Variants in RGPD4 observed in about 807,000 individuals in gnomAD.
RGPD4 encodes ranBP2-like and GRIP domain-containing protein 4.
RGPD4 carries 84 observed loss-of-function variants against 141.1 expected under a neutral mutation model. That is an observed-to-expected ratio of 0.60 (90% CI 0.50 to 0.71). The LOEUF is 0.71. Among genes scored for constraint, RGPD4 ranks in the 30% least tolerant of loss-of-function variants. The pLI, the probability that RGPD4 is intolerant of heterozygous loss-of-function variation, is 0.00. For missense variants in RGPD4, 918 were observed against 1,622.4 expected (o/e 0.57, Z 7.46); for synonymous variants, 298 against 566.8 (o/e 0.53, Z 6.74).
intron 22 of RGPD4, among the ~76,000 whole-genome samples, chr2:107,885,174 C>G (rs1411526072): frequency 2.6e-5 from 4 of 151,770 alleles, no homozygotes; most frequent in Non-Finnish European, 4.4e-5. Flanking sequence ...TTTATTCTAA[C>G]AAAAGTAAAC....
chr2:107,871,048 C>T lies in RGPD4; in HGVS notation c.3044C>T (p.Ala1015Val), dbSNP rs775666928. ...SSQCGKMANK[A>V]NTSGDFEKDD... ...CAATGCGGTAAAATGGCCAATAAAG[C>T]AAACACTTCCGGTGACTTTGAGAAA... Residue 1015 changes from alanine (A) to valine (V), a missense_variant, in exon 20 of 23, where the codon GCA becomes GTA. Coordinates refer to ENST00000408999, the MANE Select transcript of RGPD4 (RefSeq NM_182588.3). The T allele has an allele frequency of 5.6e-6, 9 of 1,610,964 alleles. No homozygotes were observed. The highest frequency in any genetic ancestry group is 6.8e-6 in the Non-Finnish European group (8 of 1,179,808).
At chr2:107,831,584 T>TTTA in intron 1 of RGPD4, among the ~76,000 whole-genome samples, 1 of 139,566 alleles carries the variant, frequency 7.2e-6, no homozygotes, top group Non-Finnish European at 1.6e-5. Flanking sequence ...TTTTTTTTTT[T>TTTA]TTTTTTTTTG....
intron 9 of RGPD4, among the ~76,000 whole-genome samples, chr2:107,858,363 G>T (rs1402859979): frequency 2.0e-5 from 3 of 152,182 alleles, no homozygotes; most frequent in Non-Finnish European, 4.4e-5. Context: ...ATGACAGAAA[G>T]ATTATACCTC....
intron 7 of RGPD4, among the ~76,000 whole-genome samples, chr2:107,853,455 G>A (rs1682185828): frequency 1.4e-5 from 2 of 146,214 alleles, no homozygotes; most frequent in African/African-American, 5.0e-5. Context: ...TTTTCCATAG[G>A]TTATTGCATG....
intron 20 of RGPD4, among the ~76,000 whole-genome samples, chr2:107,874,902 TG>T (rs1218942353): frequency 6.6e-6 from 1 of 150,528 alleles, no homozygotes; most frequent in Non-Finnish European, 1.5e-5. Flanking sequence ...ACTAAGTTTT[TG>T]TTTATAATGA....
At position 107,871,182 on chromosome 2, in the gene RGPD4, C is replaced by A; in HGVS notation, c.3178C>A (p.Leu1060Met). The A allele has an allele frequency of 2.5e-6, 4 of 1,610,096 alleles. No individual in the cohort carries two copies. Among genetic ancestry groups the A allele is most frequent in the Non-Finnish European group, 3.4e-6 (4 of 1,179,734 alleles). The change falls in exon 20 of 23, where the codon CTG becomes ATG. Residue 1060 changes from leucine (L) to methionine (M), a missense_variant. Leu to Met is a conservative substitution (Grantham distance 15). Transcript: ENST00000408999. Reference sequence around the variant, plus strand: ...AATAGGAGAAGAAGGTGAAAAAGTTCTGTATTCACAGGGGGTAAAACTATT... The same window carrying A: ...AATAGGAGAAGAAGGTGAAAAAGTTATGTATTCACAGGGGGTAAAACTATT... ...LVIGEEGEKV[L>M]YSQGVKLFRF... is the part of the protein sequence containing the mutation.
chr2:107,856,412 A>G (rs1370561613), intron 8 of RGPD4, among the ~76,000 whole-genome samples: 2 of 151,300 alleles, frequency 1.3e-5, no homozygotes, highest in East Asian at 1.9e-4. Context: ...AGCCAGGTTT[A>G]GAAATCAGTG....
chr2:107,830,365 T>C (rs1441210659), intron 1 of RGPD4, among the ~76,000 whole-genome samples: 4 of 151,080 alleles, frequency 2.6e-5, no homozygotes, highest in Non-Finnish European at 5.9e-5. Flanking sequence ...AAAAAGCATG[T>C]TTAGAGCCTT....
At chr2:107,885,902 A>G (rs1474286345) in intron 22 of RGPD4, among the ~76,000 whole-genome samples, 5 of 151,860 alleles carry the variant, frequency 3.3e-5, no homozygotes, top group African/African-American at 4.8e-5. Flanking sequence ...AGAATACAAA[A>G]ATTAGCTGGG....
chr2:107,826,948 G>A lies in RGPD4; in HGVS notation c.-66G>A. 1.3e-6 allele frequency: 2 copies of A among 1,554,212 alleles called. No homozygotes were observed. Among genetic ancestry groups the A allele is most frequent in the Non-Finnish European group, 1.7e-6 (2 of 1,149,712 alleles). ...GTGGCTTTCAGGCGCTTTCCTGTTG[G>A]AATTGGCGACTGCTGCGGGGCTGAG... On this transcript the variant is annotated 5_prime_UTR_variant, in exon 1 of 23. Coordinates refer to ENST00000408999, the MANE Select transcript of RGPD4 (RefSeq NM_182588.3).
chr2:107,858,438 CTTTT>C (rs1188178052), intron 9 of RGPD4, among the ~76,000 whole-genome samples: 391 of 151,366 alleles, frequency 2.6e-3, no homozygotes, highest in African/African-American at 8.7e-3. Context: ...CTTTTCTTTT[CTTTT>C]CTTTTCTTTT....
Position 107,859,181 on chromosome 2 carries a change from G to T in RGPD4, c.1344G>T (p.Leu448Phe). The T allele has an allele frequency of 2.0e-6, 2 of 994,786 alleles. No homozygotes were observed. Among genetic ancestry groups the T allele is most frequent in the Non-Finnish European group, 2.8e-6 (2 of 717,310 alleles). 61.6% of individuals were successfully genotyped at this position (994,786 alleles called of 1,614,324 possible). A position where few individuals can be genotyped will look rare whatever the true frequency, so the allele number is the denominator to read the frequency against. The change falls in exon 10 of 23, where the codon TTG (leucine) becomes TTT (phenylalanine). Residue 448 changes from leucine to phenylalanine, a missense_variant. Transcript: ENST00000408999. Reference protein sequence around the residue: ...LTWLGLQWNSLPALPGIRKWL... With the variant: ...LTWLGLQWNSFPALPGIRKWL... ...GGCTTGGCTTACAGTGGAATTCATTGCCTGCTTTACCTGGAATCCGAAAAT... is the reference window on the plus strand; with the variant it reads ...GGCTTGGCTTACAGTGGAATTCATTTCCTGCTTTACCTGGAATCCGAAAAT...
At chr2:107,829,191 C>A (rs1214208532) in intron 1 of RGPD4, among the ~76,000 whole-genome samples, 2 of 20,224 alleles carry the variant, frequency 9.9e-5, no homozygotes, top group Non-Finnish European at 2.1e-4. Flanking sequence ...CGACCCGGCC[C>A]GGCGGCGGCC....
chr2:107,828,872 G>C (rs1231514077), intron 1 of RGPD4, among the ~76,000 whole-genome samples: 1 of 8,204 alleles, frequency 1.2e-4, no homozygotes, highest in Non-Finnish European at 2.7e-4. Flanking sequence ...GCTCCCGACC[G>C]GCGCTGCTCC....
rs2104488581 is a variant in RGPD4 at position 107,870,688 on chromosome 2, C to G, written c.2701-17C>G. 6.3e-7 allele frequency: 1 copy of G among 1,584,108 alleles called. No individual in the cohort carries two copies. Among genetic ancestry groups the G allele is most frequent in the East Asian group, 2.2e-5 (1 of 44,650 alleles). On this transcript the variant is annotated splice_polypyrimidine_tract_variant and intron_variant, in intron 19 of 22. Transcript: ENST00000408999. ...GGGCATGTGGATCAAGAAAATTCACCTTCATTTATGTTTCAGGGTTCTTCT... is the reference window on the plus strand; with the variant it reads ...GGGCATGTGGATCAAGAAAATTCACGTTCATTTATGTTTCAGGGTTCTTCT...
chr2:107,867,283 T>C (rs1039941934), intron 18 of RGPD4, among the ~76,000 whole-genome samples: 1 of 152,056 alleles, frequency 6.6e-6, no homozygotes, highest in African/African-American at 2.4e-5. Context: ...TTTCTCTCTC[T>C]CTTTTTAGCC....
intron 1 of RGPD4, among the ~76,000 whole-genome samples, chr2:107,832,660 T>A (rs760294971): frequency 9.6e-5 from 14 of 145,474 alleles, no homozygotes; most frequent in Admixed American, 4.8e-4. Flanking sequence ...CAGGCTGGTC[T>A]GGAAACTAAT....
chr2:107,855,109 C>A (rs1265362337), intron 8 of RGPD4, among the ~76,000 whole-genome samples: 1 of 93,396 alleles, frequency 1.1e-5, no homozygotes, highest in East Asian at 2.7e-4. Context: ...TTTTTTCCCC[C>A]ATTTTTGGCT....
chr2:107,885,739 C>A (rs1374971445), intron 22 of RGPD4, among the ~76,000 whole-genome samples: 2 of 152,024 alleles, frequency 1.3e-5, no homozygotes, highest in African/African-American at 2.4e-5. Context: ...GATTTAGATA[C>A]CTTACATTCT....
Sources: gnomAD v4.1 joint callset for allele counts (sites outside exome capture counted in the v4.1 genomes callset) on GRCh38, gnomAD v4.1.1 for gene constraint, MANE v1.5 for transcripts, NCBI Gene and HGNC (gene_info 2026-07-23, HGNC 2026-07-21) for gene names.